FAM3D: variants seen among roughly 807,000 people sequenced by gnomAD.
The protein encoded by FAM3D is FAM3 metabolism regulating signaling molecule D.
FAM3D carries 26 observed loss-of-function variants against 29.8 expected under a neutral mutation model. The ratio of observed to expected loss-of-function variants is 0.87; its 90% CI spans 0.64 to 1.21. The LOEUF is 1.21. Ranked by LOEUF, FAM3D falls within the 50% of genes most tolerant of loss-of-function variation. The pLI is 0.00. For missense variants in FAM3D, 253 were observed against 290.9 expected (o/e 0.87, Z 0.95); for synonymous variants, 115 against 102.3 (o/e 1.12, Z -0.75).
At position 58,654,915 on chromosome 3, in the gene FAM3D, C is replaced by A. The variant is rs143009329; in HGVS notation, c.13+636G>T. ...TTTGTGCCAGGCACCATGTGAGCAA[C>A]TTTTGAATACATTATCTCAGTTCAT... On this transcript the variant is annotated intron_variant, in intron 2 of 9. Transcript: ENST00000358781. Among the ~76,000 whole-genome samples the A allele has an allele frequency of 5.0e-3, 768 of 152,314 alleles. 11 individuals carry two copies. The highest frequency in any genetic ancestry group is 0.018 in the African/African-American group (735 of 41,564).
Position 58,634,443 on chromosome 3 carries a change from G to T in FAM3D, c.586-75C>A. 1 of 1,323,854 alleles carries T rather than the reference G, an allele frequency of 7.6e-7. No individual in the cohort carries two copies. Among genetic ancestry groups the T allele is most frequent in the Non-Finnish European group, 1.1e-6 (1 of 937,616 alleles). 82.0% of individuals were successfully genotyped at this position (1,323,854 alleles called of 1,614,324 possible). ...GAACTCATGCCCACATGGACACTGT[G>T]CTCTAAACCTAAATGGGGGTGTGGG... On this transcript the variant is annotated intron_variant, in intron 9 of 9. Transcript: ENST00000358781. The surrounding 1 kb of genome is among the most constrained non-coding windows in gnomAD (Gnocchi z 4.6).
chr3:58,658,480 T>C (rs2066866951), intron 1 of FAM3D, among the ~76,000 whole-genome samples: 1 of 152,138 alleles, frequency 6.6e-6, no homozygotes, highest in Non-Finnish European at 1.5e-5. Context: ...GCCCCGGGCC[T>C]TTGCACTTGC....
chr3:58,641,875 A>G (rs1310464260), intron 6 of FAM3D, among the ~76,000 whole-genome samples: 1 of 151,924 alleles, frequency 6.6e-6, no homozygotes, highest in African/African-American at 2.4e-5. Context: ...CTCATTGGAG[A>G]ATATTCAAAA....
At chr3:58,655,654 C>A (rs1230184222) in intron 1 of FAM3D, 53 bp from the exon 2 acceptor site, 2 of 1,479,130 alleles carry the variant, frequency 1.4e-6, no homozygotes, top group Non-Finnish European at 1.9e-6. Context: ...TGCAAGTGAT[C>A]AAGCCTGAAG....
intron 4 of FAM3D, among the ~76,000 whole-genome samples, chr3:58,646,454 G>T (rs1342872327): frequency 6.6e-6 from 1 of 152,334 alleles, no homozygotes; most frequent in East Asian, 1.9e-4. Flanking sequence ...TAAAGATGTG[G>T]CTGAGCGGCT....
intron 1 of FAM3D, chr3:58,657,781 G>T (rs1276097090): frequency 6.6e-6 from 1 of 152,340 alleles, no homozygotes; most frequent in East Asian, 1.9e-4. Flanking sequence ...GCTGGGGTGG[G>T]GAGGGGGAAA....
rs187056895 is a variant in FAM3D, at chr3:58,645,593, G to A, written c.179C>T (p.Pro60Leu). The change falls in exon 5 of 10, where the codon CCC becomes CTC. Residue 60 changes from proline to leucine, a missense_variant. Coordinates refer to ENST00000358781, the MANE Select transcript of FAM3D (RefSeq NM_138805.3). ...VKKYKCGLIK[P>L]CPANYFAFKI... The stretch of plus-strand genomic sequence containing the variant: ...AAACGCAAAGTAGTTGGCTGGGCAG[G>A]GCTTGATGAGGCCACACTTGTACTT... 7 of 1,614,104 alleles carry A rather than the reference G, an allele frequency of 4.3e-6. No individual in the cohort carries two copies. The highest frequency in any genetic ancestry group is 5.9e-6 in the Non-Finnish European group (7 of 1,180,040).
chr3:58,639,160 C>T (rs928629007), intron 7 of FAM3D, among the ~76,000 whole-genome samples: 1 of 152,070 alleles, frequency 6.6e-6, no homozygotes, highest in African/African-American at 2.4e-5. Flanking sequence ...AGATGATTTC[C>T]TTGCTTCTGA....
chr3:58,637,272 C>T, intron 7 of FAM3D, 47 bp from the exon 8 acceptor site: 1 of 1,512,668 alleles, frequency 6.6e-7, no homozygotes, highest in Non-Finnish European at 9.1e-7. Context: ...GAAATGAGCC[C>T]TGGTCATTCT....
intron 4 of FAM3D, among the ~76,000 whole-genome samples, chr3:58,646,900 G>T (rs1305147793): frequency 6.6e-6 from 1 of 152,216 alleles, no homozygotes; most frequent in Non-Finnish European, 1.5e-5. Flanking sequence ...CTACACCTGA[G>T]GCTGGTAGGG....
At chr3:58,665,697 C>T (rs894027110) in intron 1 of FAM3D, among the ~76,000 whole-genome samples, 14 of 152,200 alleles carry the variant, frequency 9.2e-5, no homozygotes, top group African/African-American at 3.4e-4. Context: ...AAAAGCTTTG[C>T]AGCCAGATTG....
chr3:58,655,728 G>A (rs921439158), intron 1 of FAM3D, 127 bp from the exon 2 acceptor site: 4 of 696,346 alleles, frequency 5.7e-6, no homozygotes, highest in Non-Finnish European at 9.1e-6. Context: ...CTCACCACCT[G>A]CCATATGAAC....
At chr3:58,650,231 C>T (rs1477082354) in intron 3 of FAM3D, among the ~76,000 whole-genome samples, 1 of 152,224 alleles carries the variant, frequency 6.6e-6, no homozygotes, top group Non-Finnish European at 1.5e-5. Flanking sequence ...AACACTTACA[C>T]GCTTTCCATT....
At chr3:58,650,780 C>G (rs920878172) in intron 3 of FAM3D, among the ~76,000 whole-genome samples, 2 of 152,116 alleles carry the variant, frequency 1.3e-5, no homozygotes, top group South Asian at 2.1e-4. Context: ...TGCAGTGGCG[C>G]GATCTCGGCT....
chr3:58,653,612 A>C (rs1275219337), intron 3 of FAM3D, 62 bp downstream of exon 3: 4 of 1,472,188 alleles, frequency 2.7e-6, no homozygotes, highest in Non-Finnish European at 3.8e-6. Flanking sequence ...GGAGGGAAGA[A>C]TATGTCTTCG....
intron 1 of FAM3D, among the ~76,000 whole-genome samples, chr3:58,664,588 A>G (rs1296042100): frequency 6.6e-6 from 1 of 152,216 alleles, no homozygotes; most frequent in Non-Finnish European, 1.5e-5. Context: ...AGAACTTATT[A>G]CCGTCCTCAT....
At chr3:58,654,771 C>CCGGGTCCTGTGGGGTGGGATG (rs2066742697) in intron 2 of FAM3D, among the ~76,000 whole-genome samples, 1 of 152,142 alleles carries the variant, frequency 6.6e-6, no homozygotes, top group Admixed American at 6.5e-5. Context: ...AGAAGGCCCG[C>CCGGGTCCTGTGGGGTGGGATG]CGGGTCCTGT....
At chr3:58,636,833 G>A (rs1273780153) in intron 8 of FAM3D, among the ~76,000 whole-genome samples, 3 of 151,788 alleles carry the variant, frequency 2.0e-5, no homozygotes, top group East Asian at 1.9e-4. Flanking sequence ...AATACTTTCC[G>A]CACCATCATT....
rs187020298 is a variant in FAM3D at position 58,637,616 on chromosome 3, C to T, written c.374-391G>A. Among the ~76,000 whole-genome samples the T allele has an allele frequency of 5.8e-3, 886 of 152,264 alleles. 6 individuals carry two copies. The highest frequency in any genetic ancestry group is 0.02 in the African/African-American group (839 of 41,542). ...TTTGCATACCCCAGACCCCATTCTA[C>T]GCTGGACAATGCCCAGATTATCTGT... On this transcript the variant is annotated intron_variant, in intron 7 of 9. Transcript: ENST00000358781.
Sources: allele counts gnomAD v4.1 joint callset (sites outside exome capture counted in the v4.1 genomes callset), GRCh38; gene constraint gnomAD v4.1.1; non-coding constraint Gnocchi (gnomAD v3.1); transcripts MANE v1.5; gene names NCBI Gene and HGNC (gene_info 2026-07-23, HGNC 2026-07-21).